Variants in RCVRN observed in about 807,000 individuals in gnomAD.
The protein encoded by RCVRN is cancer associated retinopathy antigen.
Under a neutral mutation model 20.4 loss-of-function variants are expected in RCVRN, and 23 were observed. The ratio of observed to expected loss-of-function variants is 1.13; its 90% CI spans 0.81 to 1.60. The LOEUF (loss-of-function observed/expected upper bound fraction) is 1.60, where lower values mean the gene tolerates loss of function less well. Among genes scored for constraint, RCVRN ranks in the 40% most tolerant of loss-of-function variants. RCVRN has a pLI of 0.00. For missense variants in RCVRN, 254 were observed against 254.2 expected, an observed-to-expected ratio of 1.00 and a Z score of 0.00; for synonymous variants, 105 against 105.9, an observed-to-expected ratio of 0.99 and a Z score of 0.05.
In RCVRN at chr17:9,897,268, C is replaced by A. The variant is rs117775712; in HGVS notation, c.*827G>T. 0.044 allele frequency: 6,646 copies of A among 152,302 alleles called. 214 individuals carry two copies. Among genetic ancestry groups the A allele is most frequent in the Middle Eastern group, 0.095 (28 of 294 alleles). 9.4% of individuals were successfully genotyped at this position (152,302 alleles called of 1,614,324 possible). A position where few individuals can be genotyped will look rare whatever the true frequency, so the allele number is the denominator to read the frequency against. The stretch of plus-strand genomic sequence containing the variant: ...CAGCTCACACTTTGCTCTCCCTCCT[C>A]CTTCTACCCTCCAGCCACCCCGACC... On this transcript the variant is annotated 3_prime_UTR_variant, in exon 3 of 3. Coordinates refer to ENST00000226193, the MANE Select transcript of RCVRN (RefSeq NM_002903.3).
rs1168456621 is a variant in RCVRN, at chr17:9,902,642, CAT to C, written c.382-1544_382-1543del. Among the ~76,000 whole-genome samples, 11 of 152,186 alleles carry C rather than the reference CAT, an allele frequency of 7.2e-5. 1 individual carries two copies. The highest frequency in any genetic ancestry group is 2.6e-4 in the African/African-American group (11 of 41,558). On this transcript the variant is annotated intron_variant, in intron 1 of 2. Transcript: ENST00000226193. ...ATGGAAACAACCTAATGTCCAAAAACATAGGAATGTTCAATAATTTCCACATT... is the reference window on the plus strand; with the variant it reads ...ATGGAAACAACCTAATGTCCAAAAACAGGAATGTTCAATAATTTCCACATT...
chr17:9,902,736 G>A (rs1167695309), intron 1 of RCVRN, among the ~76,000 whole-genome samples: 5 of 152,204 alleles, frequency 3.3e-5, no homozygotes, highest in Non-Finnish European at 7.3e-5. Context: ...GGAAGCTCAC[G>A]CCTGTAATCC....
rs556988903 is a variant in RCVRN at position 9,898,848 on chromosome 17, A to T, written c.494-644T>A. ...CTATGCATCCATCCCTGCGTCCCCCAGTCTCATCTGCCTCCTTATTTGGGA... is the reference window on the plus strand; with the variant it reads ...CTATGCATCCATCCCTGCGTCCCCCTGTCTCATCTGCCTCCTTATTTGGGA... On this transcript the variant is annotated intron_variant, in intron 2 of 2. Transcript: ENST00000226193. Among the ~76,000 whole-genome samples, 419 of 152,264 alleles carry T rather than the reference A, an allele frequency of 2.8e-3. 7 individuals are homozygous for T. Among genetic ancestry groups the T allele is most frequent in the Non-Finnish European group, 8.2e-4 (56 of 68,014 alleles).
rs541876294 is a variant in RCVRN, at chr17:9,904,751, C to A, written c.381+49G>T. 2 of 1,575,976 alleles carry A rather than the reference C, an allele frequency of 1.3e-6. No individual in the cohort carries two copies. The highest frequency in any genetic ancestry group is 2.2e-5 in the East Asian group (1 of 44,578). ...CAGCTGCAGCAGGGGACCCCCAGCC[C>A]GGAGCGACCCCGGCACCGCCCAGCC... On this transcript the variant is annotated intron_variant, in intron 1 of 2. Coordinates refer to ENST00000226193, the MANE Select transcript of RCVRN (RefSeq NM_002903.3). This position sits in a 1 kb window ranked among gnomAD's most constrained non-coding sequence, Gnocchi z 5.8.
chr17:9,901,205 A>T, intron 1 of RCVRN, 105 bp from the exon 2 acceptor site: 1 of 541,632 alleles, frequency 1.8e-6, no homozygotes, highest in Non-Finnish European at 3.3e-6. Context: ...CTCAAAATGG[A>T]TTAAAGACTT....
In RCVRN at chr17:9,904,086, C is replaced by A. The variant is rs574801227; in HGVS notation, c.381+714G>T. On this transcript the variant is annotated intron_variant, in intron 1 of 2. Coordinates refer to ENST00000226193, the MANE Select transcript of RCVRN (RefSeq NM_002903.3). The surrounding 1 kb of genome is among the most constrained non-coding windows in gnomAD (Gnocchi z 5.8). The stretch of plus-strand genomic sequence containing the variant: ...TGAAACCCCGTCTCTACTAAAAATA[C>A]AAAAATTAGCTAGGCATAGTGGTGC... Among the ~76,000 whole-genome samples the A allele has an allele frequency of 3.4e-4, 52 of 152,032 alleles. No homozygotes were observed. The highest frequency in any genetic ancestry group is 1.7e-3 in the South Asian group (8 of 4,808).
Position 9,905,245 on chromosome 17 carries a change from G to A in RCVRN, c.-65C>T, listed in dbSNP as rs1240931453. The A allele has an allele frequency of 8.0e-6, 12 of 1,493,740 alleles. No homozygotes were observed. Among genetic ancestry groups the A allele is most frequent in the East Asian group, 2.4e-5 (1 of 42,496 alleles). The allele number at this position is 1,493,740 out of a possible 1,614,324, so 92.5% of individuals were successfully genotyped here. Reference sequence around the variant, plus strand: ...TGGGTGGGACGTGCGTGGTCCCCTGGCCGCAGGCTGGGCTCAAGGCTGGTG... The same window carrying A: ...TGGGTGGGACGTGCGTGGTCCCCTGACCGCAGGCTGGGCTCAAGGCTGGTG... On this transcript the variant is annotated 5_prime_UTR_variant, in exon 1 of 3. Transcript: ENST00000226193.
Position 9,899,416 on chromosome 17 carries a change from C to T in RCVRN, c.494-1212G>A, listed in dbSNP as rs982268988. ...TCTCCAGATGGGCCGCGTGGAAACA[C>T]GTACAACACATCACGAACAGGAGTA... On this transcript the variant is annotated intron_variant, in intron 2 of 2. Transcript: ENST00000226193. This position sits in a 1 kb window ranked among gnomAD's most constrained non-coding sequence, Gnocchi z 4.6. Among the ~76,000 whole-genome samples the T allele has an allele frequency of 2.1e-4, 32 of 152,326 alleles. No homozygotes were observed. The highest frequency in any genetic ancestry group is 7.2e-4 in the African/African-American group (30 of 41,570).
At position 9,897,921 on chromosome 17, in the gene RCVRN, A is replaced by G; in HGVS notation, c.*174T>C. The stretch of plus-strand genomic sequence containing the variant: ...ACCAGTGGGTCACTACAGATGCTTC[A>G]GTTTGGCAGGGAGCTGTGCTGTGGG... On this transcript the variant is annotated 3_prime_UTR_variant, in exon 3 of 3. Coordinates refer to ENST00000226193, the MANE Select transcript of RCVRN (RefSeq NM_002903.3). 1.7e-6 allele frequency: 1 copy of G among 602,434 alleles called. No homozygotes were observed. Among genetic ancestry groups the G allele is most frequent in the South Asian group, 1.9e-5 (1 of 51,888 alleles). The allele number at this position is 602,434 out of a possible 1,614,324, so 37.3% of individuals were successfully genotyped here.
At chr17:9,898,823 C>T (rs149276481) in intron 2 of RCVRN, among the ~76,000 whole-genome samples, 199 of 152,354 alleles carry the variant, frequency 1.3e-3, no homozygotes, top group Non-Finnish European at 1.6e-3. Flanking sequence ...TGATCCCTTC[C>T]TATGCATCCA....
intron 2 of RCVRN, among the ~76,000 whole-genome samples, chr17:9,900,465 C>A (rs1322938695): frequency 6.6e-6 from 1 of 152,148 alleles, no homozygotes; most frequent in Non-Finnish European, 1.5e-5. Flanking sequence ...GCATTACTTA[C>A]CTAATCTTCC....
chr17:9,905,003 T>TG lies in RCVRN; in HGVS notation c.177dup (p.Thr60HisfsTer55). ...TGCTGGGCGTAGGCCTTGGGGTCGGTGTCGGGGAAGAACTTGGCGTAGATG... is the reference window on the plus strand; with the variant it reads ...TGCTGGGCGTAGGCCTTGGGGTCGGTGGTCGGGGAAGAACTTGGCGTAGATG... On this transcript the variant is annotated frameshift_variant, in exon 1 of 3. Coordinates refer to ENST00000226193, the MANE Select transcript of RCVRN (RefSeq NM_002903.3). 6.2e-7 allele frequency: 1 copy of TG among 1,613,980 alleles called. No homozygotes were observed. Among genetic ancestry groups the TG allele is most frequent in the Non-Finnish European group, 8.5e-7 (1 of 1,180,002 alleles).
At position 9,904,978 on chromosome 17, in the gene RCVRN, T is replaced by C; in HGVS notation, c.203A>G (p.His68Arg). The change falls in exon 1 of 3, where the codon CAT becomes CGT. Residue 68 changes from histidine to arginine, a missense_variant. Transcript: ENST00000226193. This position sits in a 1 kb window ranked among gnomAD's most constrained non-coding sequence, Gnocchi z 5.8. The stretch of plus-strand genomic sequence containing the variant: ...GTTGGAATCGAAGCTGCGGAACACA[T>C]GCTGGGCGTAGGCCTTGGGGTCGGT... ...PDTDPKAYAQ[H>R]VFRSFDSNLD... 6.2e-7 allele frequency: 1 copy of C among 1,614,136 alleles called. No individual in the cohort carries two copies.
rs2067339807 is a variant in RCVRN, at chr17:9,901,102, T to C, written c.382-2A>G. The C allele has an allele frequency of 6.4e-7, 1 of 1,550,876 alleles. No individual in the cohort carries two copies. Among genetic ancestry groups the C allele is most frequent in the Non-Finnish European group, 8.8e-7 (1 of 1,133,796 alleles). On this transcript the variant is annotated splice_acceptor_variant, in intron 1 of 2. Transcript: ENST00000226193. LOFTEE classifies it high-confidence loss of function. ...GGGAGTGATCATTTTGAAAATAGCCTGTACCAAACAGAAAGAAAGAACTCG... is the reference window on the plus strand; with the variant it reads ...GGGAGTGATCATTTTGAAAATAGCCCGTACCAAACAGAAAGAAAGAACTCG...
intron 2 of RCVRN, 83 bp downstream of exon 2, chr17:9,900,906 C>A (rs1436299636): frequency 1.1e-6 from 1 of 871,768 alleles, no homozygotes; most frequent in East Asian, 2.5e-5. Flanking sequence ...GACACTGTGA[C>A]TCAGAAGAAT....
rs776177327 is a variant in RCVRN at position 9,904,998 on chromosome 17, G to T, written c.183C>A (p.Asp61Glu). 1.2e-6 allele frequency: 2 copies of T among 1,614,212 alleles called. No individual in the cohort carries two copies. The highest frequency in any genetic ancestry group is 1.3e-5 in the African/African-American group (1 of 75,054). ...SIYAKFFPDT[D>E]PKAYAQHVFR... ...ACACATGCTGGGCGTAGGCCTTGGG[G>T]TCGGTGTCGGGGAAGAACTTGGCGT... The change falls in exon 1 of 3, where the codon GAC becomes GAA. Residue 61 changes from aspartate (D) to glutamate (E), a missense_variant. By Grantham distance (45) the Asp-to-Glu change is conservative. Transcript: ENST00000226193. The surrounding 1 kb of genome is among the most constrained non-coding windows in gnomAD (Gnocchi z 5.8).
chr17:9,901,229 C>CA, intron 1 of RCVRN, 129 bp from the exon 2 acceptor site: 1 of 475,870 alleles, frequency 2.1e-6, no homozygotes, highest in Non-Finnish European at 3.8e-6. Flanking sequence ...CATAAGACCT[C>CA]AGACCGTCAA....
intron 2 of RCVRN, among the ~76,000 whole-genome samples, chr17:9,898,606 T>C (rs1471988725): frequency 6.6e-6 from 1 of 152,258 alleles, no homozygotes; most frequent in African/African-American, 2.4e-5. Flanking sequence ...CAGGAGGAGC[T>C]TCTGGGGGTC....
chr17:9,897,902 G>A lies in RCVRN; in HGVS notation c.*193C>T. 1 of 571,732 alleles carries A rather than the reference G, an allele frequency of 1.7e-6. No homozygotes were observed. Among genetic ancestry groups the A allele is most frequent in the Non-Finnish European group, 3.1e-6 (1 of 319,852 alleles). The allele number at this position is 571,732 out of a possible 1,614,324, so 35.4% of individuals were successfully genotyped here. ...GAAGACCCAGGAAGAAGGAACCAGT[G>A]GGTCACTACAGATGCTTCAGTTTGG... On this transcript the variant is annotated 3_prime_UTR_variant, in exon 3 of 3. Transcript: ENST00000226193.
Sources: allele counts gnomAD v4.1 joint callset (sites outside exome capture counted in the v4.1 genomes callset), GRCh38; gene constraint gnomAD v4.1.1; non-coding constraint Gnocchi (gnomAD v3.1); transcripts MANE v1.5; gene names NCBI Gene and HGNC (gene_info 2026-07-23, HGNC 2026-07-21).